The following MCM3AP variants were observed in gnomAD, a reference collection of about 807,000 sequenced individuals.
MCM3AP encodes the protein minichromosome maintenance complex component 3 associated protein.
MCM3AP carries 126 observed loss-of-function variants against 184.1 expected under a neutral mutation model. The observed-to-expected ratio is 0.68, with a 90% CI of 0.59 to 0.79. MCM3AP has a LOEUF of 0.79. Among genes scored for constraint, MCM3AP ranks in the 30% least tolerant of loss-of-function variants. MCM3AP has a pLI of 0.00. For synonymous variants in MCM3AP, 1,002 were observed against 979.3 expected (o/e 1.02, Z -0.43); for missense variants, 2,496 against 2,479.2 (o/e 1.01, Z -0.14).
intron 6 of MCM3AP, 143 bp from the exon 7 acceptor site, chr21:46,273,728 T>G (rs1601536875): frequency 1.5e-6 from 1 of 654,086 alleles, no homozygotes; most frequent in East Asian, 2.8e-5. Flanking sequence ...ATAAAATTTC[T>G]GTTAAAAGGT....
chr21:46,237,153 G>A (rs1056704741), intron 26 of MCM3AP, among the ~76,000 whole-genome samples, 174 bp from the exon 27 acceptor site: 1 of 143,394 alleles, frequency 7.0e-6, no homozygotes, highest in African/African-American at 2.6e-5. Flanking sequence ...CCAGGCTGGA[G>A]TGCAGTGGCA....
chr21:46,243,568 C>G lies in MCM3AP; in HGVS notation c.5193G>C (p.Gly1731=). ...WKSKSPSPVH[G]AGPSVMEIPW... ...GGATCTCCATGACCGAGGGGCCTGC[C>G]CCATGGACTGGGGAGGGACTCTTGC... The change falls in exon 24 of 28, where the codon GGG becomes GGC. Residue 1731 remains glycine, a synonymous_variant. Transcript: ENST00000291688. 1 of 1,614,196 alleles carries G rather than the reference C, an allele frequency of 6.2e-7. No individual in the cohort carries two copies. Among genetic ancestry groups the G allele is most frequent in the Non-Finnish European group, 8.5e-7 (1 of 1,180,040 alleles).
intron 11 of MCM3AP, 29 bp downstream of exon 11, chr21:46,265,896 C>A: frequency 6.6e-7 from 1 of 1,517,988 alleles, no homozygotes; most frequent in South Asian, 1.4e-5. Flanking sequence ...TGCAGCTAGT[C>A]CCCTCACTAC....
In MCM3AP at chr21:46,284,566, T is replaced by C. The variant is rs142205195; in HGVS notation, c.721A>G (p.Ile241Val). 98 of 1,614,090 alleles carry C rather than the reference T, an allele frequency of 6.1e-5. No homozygotes were observed. Among genetic ancestry groups the C allele is most frequent in the Non-Finnish European group, 7.7e-5 (91 of 1,180,044 alleles). Reference protein sequence around the residue: ...VEEEKRGPKSIFGSSNNSFSS... With the variant: ...VEEEKRGPKSVFGSSNNSFSS... ...AAGCTATTATTAGAACTTCCAAATA[T>C]TGACTTAGGTCCTCTCTTCTCTTCC... Residue 241 changes from isoleucine to valine, a missense_variant, in exon 1 of 28, where the codon ATA becomes GTA. Transcript: ENST00000291688.
At chr21:46,281,874 C>T (rs2081337700) in intron 2 of MCM3AP, among the ~76,000 whole-genome samples, 1 of 151,984 alleles carries the variant, frequency 6.6e-6, no homozygotes, top group African/African-American at 2.4e-5. Context: ...GTGGTGCACA[C>T]ACAATCCCAG....
intron 2 of MCM3AP, among the ~76,000 whole-genome samples, chr21:46,283,216 C>T (rs1020710640): frequency 3.3e-5 from 5 of 152,324 alleles, no homozygotes; most frequent in South Asian, 2.1e-4. Flanking sequence ...TAAGCCACCA[C>T]GCCCGGCCAA....
rs17176709 is a variant in MCM3AP at position 46,254,837 on chromosome 21, G to A, written c.3940C>T (p.Arg1314Trp). The change falls in exon 18 of 28, where the codon CGG (arginine) becomes TGG (tryptophan). Residue 1314 changes from arginine to tryptophan, a missense_variant. Transcript: ENST00000291688. ...RLGISCTRLR[R>W]LRNKTAHQMK... is the part of the protein sequence containing the mutation. ...TGGTGAGCTGTCTTGTTTCTGAGCC[G>A]CCTTAACCTGCAAAGGAAAGCAGAA... is the stretch of plus-strand genomic sequence containing the variant. The A allele has an allele frequency of 1.6e-3, 2,540 of 1,613,614 alleles. 3 individuals carry two copies. Among genetic ancestry groups the A allele is most frequent in the Non-Finnish European group, 1.9e-3 (2,198 of 1,179,594 alleles).
At position 46,258,044 on chromosome 21, in the gene MCM3AP, G is replaced by C. The variant is rs533476241; in HGVS notation, c.3734+895C>G. On this transcript the variant is annotated intron_variant, in intron 16 of 27. Coordinates refer to ENST00000291688, the MANE Select transcript of MCM3AP (RefSeq NM_003906.5). ...GGCAACGGGGACAGCTCAGCATGCT[G>C]CTACAGCCAAGCCTCCACCTCATAT... is the stretch of plus-strand genomic sequence containing the variant. Among the ~76,000 whole-genome samples the C allele has an allele frequency of 3.3e-5, 5 of 152,158 alleles. No individual in the cohort carries two copies. In the South Asian group the frequency reaches 1.0e-3, roughly 32 times the overall value.
Position 46,265,959 on chromosome 21 carries a change from G to A in MCM3AP, c.2997C>T (p.Pro999=), listed in dbSNP as rs753827602. ...CGGAGCCGGGTCTCTGGGTGCTGAC[G>A]GGCAGCTCCGCGGCCAGGCTCTCCC... ...YIGESLAAEL[P]VSTQRPGSDT... is the part of the protein sequence containing the mutation. Residue 999 remains proline (P), a synonymous_variant, in exon 11 of 28, where the codon CCC becomes CCT. Transcript: ENST00000291688. 8.8e-6 allele frequency: 14 copies of A among 1,597,376 alleles called. No homozygotes were observed. Among genetic ancestry groups the A allele is most frequent in the South Asian group, 3.4e-5 (3 of 87,116 alleles).
At chr21:46,276,459 G>C (rs139463162) in intron 5 of MCM3AP, among the ~76,000 whole-genome samples, 1 of 150,662 alleles carries the variant, frequency 6.6e-6, no homozygotes, top group Non-Finnish European at 1.5e-5. Flanking sequence ...TTTTCTTTTT[G>C]AGATGGAGTT....
upstream of MCM3AP, chr21:46,286,188 T>G (rs531568323): frequency 2.0e-5 from 3 of 152,160 alleles, no homozygotes; most frequent in Non-Finnish European, 4.4e-5. Flanking sequence ...CGCTGCCCAC[T>G]GGCCCCTCGG....
intron 20 of MCM3AP, 68 bp downstream of exon 20, chr21:46,251,461 C>T (rs1425609412): frequency 5.9e-6 from 8 of 1,352,860 alleles, no homozygotes; most frequent in Non-Finnish European, 8.3e-6. Flanking sequence ...TGCATGGTTC[C>T]AGTGATATCT....
intron 7 of MCM3AP, 90 bp downstream of exon 7, chr21:46,273,298 G>C: frequency 7.9e-7 from 1 of 1,260,720 alleles, no homozygotes; most frequent in Non-Finnish European, 1.1e-6. Context: ...TTTTGTTACA[G>C]ATAAAATATA....
At chr21:46,264,430 C>T (rs547283412) in intron 12 of MCM3AP, among the ~76,000 whole-genome samples, 89 of 152,286 alleles carry the variant, frequency 5.8e-4, no homozygotes, top group African/African-American at 2.1e-3. Context: ...CCACACAGCG[C>T]CCTGGCCTAG....
intron 5 of MCM3AP, among the ~76,000 whole-genome samples, chr21:46,276,271 A>G (rs999335145): frequency 1.4e-5 from 2 of 147,932 alleles, no homozygotes; most frequent in African/African-American, 4.9e-5. Flanking sequence ...GAGGAAAAAA[A>G]AAAAAAGAAA....
chr21:46,265,003 C>T (rs899382757), intron 12 of MCM3AP, among the ~76,000 whole-genome samples: 1 of 151,100 alleles, frequency 6.6e-6, no homozygotes, highest in African/African-American at 2.4e-5. Context: ...ACCCACCAGG[C>T]GGACACGCCA....
intron 12 of MCM3AP, among the ~76,000 whole-genome samples, chr21:46,264,562 C>T (rs2081083178): frequency 6.6e-6 from 1 of 152,176 alleles, no homozygotes; most frequent in Non-Finnish European, 1.5e-5. Context: ...CAGAGTGGCA[C>T]AATCCAGTCT....
Position 46,258,963 on chromosome 21 carries a change from T to A in MCM3AP, c.3710A>T (p.Gln1237Leu), listed in dbSNP as rs368273492. 5.6e-6 allele frequency: 9 copies of A among 1,614,030 alleles called. No homozygotes were observed. In the African/African-American group the frequency reaches 1.2e-4, roughly 22 times the overall value. ...CCGCTGTAGATACTTGCAGAAGCAC[T>A]GAAGCTCCTGGAGGGTCTCCTTTGC... The part of the protein sequence containing the change: ...QTAKETLQEL[Q>L]CFCKYLQRWR... The change falls in exon 16 of 28, where the codon CAG (glutamine) becomes CTG (leucine). Residue 1237 changes from glutamine to leucine, a missense_variant. By Grantham distance (113) the Gln-to-Leu change is moderately radical. Coordinates refer to ENST00000291688, the MANE Select transcript of MCM3AP (RefSeq NM_003906.5).
At position 46,285,287 on chromosome 21, in the gene MCM3AP, CT is replaced by C. The variant is rs771617210; in HGVS notation, c.-2del. ...CACTGAAAGGATTAGTTGGGTTCAT[CT>C]TCTGCTCCAATTATTAGAAGGTAAT... On this transcript the variant is annotated 5_prime_UTR_variant, in exon 1 of 28. Coordinates refer to ENST00000291688, the MANE Select transcript of MCM3AP (RefSeq NM_003906.5). 3.8e-6 allele frequency: 6 copies of C among 1,599,116 alleles called. No homozygotes were observed. The highest frequency in any genetic ancestry group is 5.1e-6 in the Non-Finnish European group (6 of 1,168,044).
Sources: gnomAD v4.1 joint callset for allele counts (sites outside exome capture counted in the v4.1 genomes callset) on GRCh38, gnomAD v4.1.1 for gene constraint, MANE v1.5 for transcripts, NCBI Gene and HGNC (gene_info 2026-07-23, HGNC 2026-07-21) for gene names.